Variants in NMNAT2 observed in about 807,000 individuals in gnomAD.
The protein encoded by NMNAT2 is nicotinamide/nicotinic acid mononucleotide adenylyltransferase 2.
NMNAT2 carries 11 observed loss-of-function variants against 41.6 expected under a neutral mutation model. That is an observed-to-expected ratio of 0.26 (90% CI 0.17 to 0.44). The LOEUF is 0.44. Ranked by LOEUF, NMNAT2 falls within the 20% of genes least tolerant of loss-of-function variation. NMNAT2 has a pLI of 1.00. For synonymous variants in NMNAT2, 148 were observed against 151.2 expected (o/e 0.98, Z 0.16); for missense variants, 288 against 407.7 (o/e 0.71, Z 2.53).
At chr1:183,367,951 C>T (rs1377757248) in intron 1 of NMNAT2, among the ~76,000 whole-genome samples, 1 of 152,162 alleles carries the variant, frequency 6.6e-6, no homozygotes, top group African/African-American at 2.4e-5. Context: ...TGTTACTAGT[C>T]TGCAACTCAA....
At chr1:183,381,364 A>C (rs558662351) in intron 1 of NMNAT2, among the ~76,000 whole-genome samples, 1 of 152,330 alleles carries the variant, frequency 6.6e-6, no homozygotes, top group South Asian at 2.1e-4. Flanking sequence ...CCAATAGCAC[A>C]TACAATAATA....
intron 1 of NMNAT2, among the ~76,000 whole-genome samples, chr1:183,369,713 T>G (rs1663490636): frequency 6.6e-6 from 1 of 152,058 alleles, no homozygotes; most frequent in Non-Finnish European, 1.5e-5. Context: ...TTTCAGCACT[T>G]TTTCATCTTC....
At chr1:183,364,842 C>A (rs1225386271) in intron 1 of NMNAT2, among the ~76,000 whole-genome samples, 1 of 152,104 alleles carries the variant, frequency 6.6e-6, no homozygotes, top group African/African-American at 2.4e-5. Flanking sequence ...CAGGTGCCCA[C>A]CACCACATCC....
intron 1 of NMNAT2, among the ~76,000 whole-genome samples, chr1:183,403,122 C>G (rs754733752): frequency 1.3e-5 from 2 of 151,944 alleles, no homozygotes; most frequent in Non-Finnish European, 2.9e-5. Context: ...TTAGTAGAGA[C>G]GGGGTTTCAC....
intron 1 of NMNAT2, among the ~76,000 whole-genome samples, chr1:183,350,011 G>T (rs1231320931): frequency 1.3e-5 from 2 of 152,166 alleles, no homozygotes; most frequent in Non-Finnish European, 2.9e-5. Context: ...TGGACTTGCT[G>T]TGTAACCTTG....
intron 1 of NMNAT2, among the ~76,000 whole-genome samples, chr1:183,359,279 T>A (rs1053374471): frequency 1.3e-5 from 2 of 150,524 alleles, no homozygotes; most frequent in Non-Finnish European, 1.5e-5. Flanking sequence ...AAAATAAGAG[T>A]TTTTTCATAA....
intron 5 of NMNAT2, among the ~76,000 whole-genome samples, chr1:183,285,082 AAT>A (rs773161010): frequency 7.9e-5 from 12 of 152,216 alleles, no homozygotes; most frequent in African/African-American, 1.9e-4. Flanking sequence ...GAAGAGGGAA[AAT>A]ATAAAGAGGA....
At chr1:183,337,325 T>C (rs142838209) in intron 1 of NMNAT2, among the ~76,000 whole-genome samples, 4 of 152,262 alleles carry the variant, frequency 2.6e-5, no homozygotes, top group Admixed American at 6.5e-5. Flanking sequence ...TACCTGTCAG[T>C]AGTAGTATAT....
rs545323165 is a variant in NMNAT2 at position 183,286,387 on chromosome 1, C to T, written c.448+275G>A. ...GATTACAGGCGTGAGCCACCAGGCC[C>T]GGCCCTACGTTTATATTTAAATGCA... On this transcript the variant is annotated intron_variant, in intron 5 of 10. Transcript: ENST00000287713. Among the ~76,000 whole-genome samples the T allele has an allele frequency of 2.6e-5, 4 of 152,268 alleles. No homozygotes were observed. In the East Asian group the frequency reaches 5.8e-4, roughly 22 times the overall value.
intron 1 of NMNAT2, among the ~76,000 whole-genome samples, chr1:183,339,785 C>T (rs1662755216): frequency 6.6e-6 from 1 of 151,920 alleles, no homozygotes; most frequent in African/African-American, 2.4e-5. Flanking sequence ...AAATGAAGCT[C>T]CTTTTGAGAG....
At chr1:183,336,548 A>G (rs892900886) in intron 1 of NMNAT2, among the ~76,000 whole-genome samples, 4 of 152,214 alleles carry the variant, frequency 2.6e-5, no homozygotes, top group Non-Finnish European at 4.4e-5. Flanking sequence ...CTACAATTAA[A>G]AAGACTGACA....
At chr1:183,337,093 T>A (rs1454446563) in intron 1 of NMNAT2, among the ~76,000 whole-genome samples, 1 of 152,194 alleles carries the variant, frequency 6.6e-6, no homozygotes, top group Non-Finnish European at 1.5e-5. Context: ...ATTAGAATGG[T>A]CTGTATCTTG....
intron 1 of NMNAT2, among the ~76,000 whole-genome samples, chr1:183,341,250 G>A (rs923375265): frequency 5.9e-5 from 9 of 152,130 alleles, no homozygotes; most frequent in African/African-American, 1.7e-4. Flanking sequence ...GGACCATCAG[G>A]TCTTTATTAT....
intron 8 of NMNAT2, among the ~76,000 whole-genome samples, chr1:183,274,195 G>A (rs1661065729): frequency 6.6e-6 from 1 of 152,064 alleles, no homozygotes; most frequent in Non-Finnish European, 1.5e-5. Context: ...TTACAGGTGT[G>A]AGCCACTGCG....
Position 183,273,487 on chromosome 1 carries a change from A to G in NMNAT2, c.651+5066T>C, listed in dbSNP as rs192832016. Among the ~76,000 whole-genome samples, 86 of 152,302 alleles carry G rather than the reference A, an allele frequency of 5.6e-4. 1 individual carries two copies. The highest frequency in any genetic ancestry group is 1.8e-3 in the African/African-American group (73 of 41,570). ...AGGTCTCACATATCTCGCTTCCAGGAGTCTCATGGTTAGGAACTGAAATTC... is the reference window on the plus strand; with the variant it reads ...AGGTCTCACATATCTCGCTTCCAGGGGTCTCATGGTTAGGAACTGAAATTC... On this transcript the variant is annotated intron_variant, in intron 8 of 10. Transcript: ENST00000287713.
chr1:183,323,060 T>G (rs1662385745), intron 1 of NMNAT2, among the ~76,000 whole-genome samples: 1 of 152,194 alleles, frequency 6.6e-6, no homozygotes, highest in African/African-American at 2.4e-5. Flanking sequence ...GTCTCCTGAA[T>G]AGCTGGGACT....
chr1:183,413,811 G>T (rs917495579), intron 1 of NMNAT2, among the ~76,000 whole-genome samples: 2 of 152,020 alleles, frequency 1.3e-5, no homozygotes, highest in Non-Finnish European at 2.9e-5. Flanking sequence ...GTTTCACCGT[G>T]TTCGCCAGGA....
chr1:183,417,411 G>A (rs998931611), intron 1 of NMNAT2, among the ~76,000 whole-genome samples: 11 of 152,038 alleles, frequency 7.2e-5, no homozygotes, highest in African/African-American at 2.7e-4. Flanking sequence ...CAAGCCTTCC[G>A]AGTGCCATCG....
At chr1:183,353,663 C>T (rs1328565790) in intron 1 of NMNAT2, among the ~76,000 whole-genome samples, 5 of 152,158 alleles carry the variant, frequency 3.3e-5, no homozygotes, top group African/African-American at 4.8e-5. Context: ...CAATCTCAGA[C>T]ATGAAATTGA....
Sources: allele counts gnomAD v4.1 joint callset (sites outside exome capture counted in the v4.1 genomes callset), GRCh38; gene constraint gnomAD v4.1.1; transcripts MANE v1.5; gene names NCBI Gene and HGNC (gene_info 2026-07-23, HGNC 2026-07-21).